Variants in SNUPN observed in about 807,000 individuals in gnomAD.
The protein encoded by SNUPN is snurportin-1.
In SNUPN, 31 loss-of-function variants were observed where a neutral mutation model predicts 39.2. The observed-to-expected ratio is 0.79, with a 90% CI of 0.59 to 1.07. SNUPN has a LOEUF of 1.07. Ranked by LOEUF, SNUPN falls within the 50% of genes least tolerant of loss-of-function variation. The pLI is 0.00. For missense variants in SNUPN, 382 were observed against 434.2 expected, an observed-to-expected ratio of 0.88 and a Z score of 1.07; for synonymous variants, 132 against 159.0, an observed-to-expected ratio of 0.83 and a Z score of 1.28.
At chr15:75,620,084 GT>G (rs1351834486) in intron 2 of SNUPN, among the ~76,000 whole-genome samples, 1 of 152,114 alleles carries the variant, frequency 6.6e-6, no homozygotes, top group Non-Finnish European at 1.5e-5. Context: ...CCATACAAAT[GT>G]ATTACCTATT....
At chr15:75,604,184 A>G (rs2075313711) in intron 7 of SNUPN, among the ~76,000 whole-genome samples, 1 of 125,380 alleles carries the variant, frequency 8.0e-6, no homozygotes, top group East Asian at 2.2e-4. Flanking sequence ...TTTTTGTGAC[A>G]GAGTCTCGCT....
At position 75,598,440 on chromosome 15, in the gene SNUPN, T is replaced by G; in HGVS notation, c.1001A>C (p.Tyr334Ser). 1 of 1,614,216 alleles carries G rather than the reference T, an allele frequency of 6.2e-7. No homozygotes were observed. Among genetic ancestry groups the G allele is most frequent in the Non-Finnish European group, 8.5e-7 (1 of 1,180,040 alleles). Residue 334 changes from tyrosine (Y) to serine (S), a missense_variant, in exon 9 of 9, where the codon TAT (tyrosine) becomes TCT (serine). Tyr to Ser is a moderately radical substitution (Grantham distance 144, BLOSUM62 -2). Transcript: ENST00000308588. ...GGGAGTAGACAGGTGCTCCAATTCATAGTGCCCATTCTCAGAGGCCTTGTG... is the reference window on the plus strand; with the variant it reads ...GGGAGTAGACAGGTGCTCCAATTCAGAGTGCCCATTCTCAGAGGCCTTGTG... ...LTHKASENGH[Y>S]ELEHLSTPKL...
intron 5 of SNUPN, among the ~76,000 whole-genome samples, chr15:75,608,913 T>C (rs888842070): frequency 6.6e-6 from 1 of 151,930 alleles, no homozygotes; most frequent in African/African-American, 2.4e-5. Context: ...CCAAGGTGGG[T>C]GGATCACTTT....
At chr15:75,620,124 G>A (rs1323089415) in intron 2 of SNUPN, among the ~76,000 whole-genome samples, 6 of 152,126 alleles carry the variant, frequency 3.9e-5, no homozygotes, top group Admixed American at 3.9e-4. Flanking sequence ...TAAAAATGGG[G>A]AGAGGAATGA....
intron 3 of SNUPN, among the ~76,000 whole-genome samples, chr15:75,615,840 C>G (rs1483284014): frequency 6.6e-6 from 1 of 151,460 alleles, no homozygotes; most frequent in Non-Finnish European, 1.5e-5. Context: ...GATCTCCTGA[C>G]CTCGTGATCC....
chr15:75,624,999 C>T, intron 1 of SNUPN: 1 of 186,480 alleles, frequency 5.4e-6, no homozygotes, highest in South Asian at 7.9e-5. Flanking sequence ...TGGTCTCAAA[C>T]TCCTGACCTC....
chr15:75,607,072 C>A, intron 6 of SNUPN, 144 bp downstream of exon 6: 1 of 677,532 alleles, frequency 1.5e-6, no homozygotes, highest in Non-Finnish European at 2.7e-6. Context: ...CTCAAAGATG[C>A]AGGGAGCATT....
intron 3 of SNUPN, among the ~76,000 whole-genome samples, chr15:75,616,548 C>A (rs1892944275): frequency 6.6e-6 from 1 of 152,132 alleles, no homozygotes; most frequent in East Asian, 1.9e-4. Flanking sequence ...ACCTTGGCCT[C>A]CCAAATTGCT....
At chr15:75,609,032 G>T (rs1177931199) in intron 5 of SNUPN, among the ~76,000 whole-genome samples, 1 of 151,592 alleles carries the variant, frequency 6.6e-6, no homozygotes, top group South Asian at 2.1e-4. Flanking sequence ...TCAGGAGGCT[G>T]AGGCAGGAGA....
chr15:75,608,477 C>T (rs569879248), intron 5 of SNUPN, among the ~76,000 whole-genome samples: 1 of 152,288 alleles, frequency 6.6e-6, no homozygotes, highest in South Asian at 2.1e-4. Context: ...CCCAGCTCTG[C>T]CAATTCCTTA....
rs939804003 is a variant in SNUPN at position 75,598,759 on chromosome 15, C to T, written c.760-78G>A. On this transcript the variant is annotated intron_variant, in intron 8 of 8. Coordinates refer to ENST00000308588, the MANE Select transcript of SNUPN (RefSeq NM_005701.4). ...CCAGGAGAGCCTATACACACAAGGG[C>T]AGCTCTTGTGGTCCGACTCCTTTTT... is the stretch of plus-strand genomic sequence containing the variant. 7.7e-6 allele frequency: 9 copies of T among 1,171,316 alleles called. No individual in the cohort carries two copies. The Admixed American group carries it at 1.4e-4, about 18-fold the overall frequency. The allele number at this position is 1,171,316 out of a possible 1,614,324, so 72.6% of individuals were successfully genotyped here. A position where few individuals can be genotyped will look rare whatever the true frequency, so the allele number is the denominator to read the frequency against.
chr15:75,617,739 C>G (rs1188314846), intron 2 of SNUPN, among the ~76,000 whole-genome samples, 187 bp from the exon 3 acceptor site: 3 of 151,948 alleles, frequency 2.0e-5, no homozygotes, highest in African/African-American at 7.3e-5. Flanking sequence ...ACACCACCAC[C>G]CCTGGCTAAT....
rs769095845 is a variant in SNUPN at position 75,601,076 on chromosome 15, G to A, written c.759+62C>T. On this transcript the variant is annotated intron_variant, in intron 8 of 8. Transcript: ENST00000308588. ...ATCAAGGAATATTTTAAGACTTTGTGTAACTAAGTCTCTCTGCAGCCTATC... is the reference window on the plus strand; with the variant it reads ...ATCAAGGAATATTTTAAGACTTTGTATAACTAAGTCTCTCTGCAGCCTATC... 20 of 1,158,150 alleles carry A rather than the reference G, an allele frequency of 1.7e-5. No homozygotes were observed. In the African/African-American group the frequency reaches 2.4e-4, roughly 14 times the overall value. The allele number at this position is 1,158,150 out of a possible 1,614,324, so 71.7% of individuals were successfully genotyped here.
chr15:75,602,363 TAAAAATAC>T (rs1223995440), intron 7 of SNUPN, among the ~76,000 whole-genome samples: 1 of 151,710 alleles, frequency 6.6e-6, no homozygotes, highest in African/African-American at 2.4e-5. Context: ...CCGTCTCTAC[TAAAAATAC>T]AAAAATTAGC....
At chr15:75,602,579 C>A (rs543857112) in intron 7 of SNUPN, among the ~76,000 whole-genome samples, 1 of 151,006 alleles carries the variant, frequency 6.6e-6, no homozygotes, top group South Asian at 2.1e-4. Context: ...GAGATTCTGA[C>A]TGAACTGGTC....
At chr15:75,603,355 G>C (rs574890277) in intron 7 of SNUPN, among the ~76,000 whole-genome samples, 2 of 148,216 alleles carry the variant, frequency 1.3e-5, no homozygotes, top group Non-Finnish European at 3.0e-5. Context: ...CCTGGCCCAG[G>C]TATTTTTTTT....
At chr15:75,621,542 G>A (rs1308903185) in intron 1 of SNUPN, among the ~76,000 whole-genome samples, 1 of 152,132 alleles carries the variant, frequency 6.6e-6, no homozygotes, top group Non-Finnish European at 1.5e-5. Flanking sequence ...CATTATAGGT[G>A]TGAGCCACTG....
intron 8 of SNUPN, chr15:75,600,554 C>T (rs532259854): frequency 8.5e-5 from 13 of 153,436 alleles, no homozygotes; most frequent in East Asian, 7.7e-4. Context: ...GGATTATAGG[C>T]GTGAGCCACC....
chr15:75,602,525 C>CA (rs530791161), intron 7 of SNUPN, among the ~76,000 whole-genome samples: 8,020 of 121,158 alleles, frequency 0.066, 617 homozygotes, highest in African/African-American at 0.19. Context: ...GACTCGGTCT[C>CA]AAAAAAAAAA....
Sources: allele counts gnomAD v4.1 joint callset (sites outside exome capture counted in the v4.1 genomes callset), GRCh38; gene constraint gnomAD v4.1.1; transcripts MANE v1.5; gene names NCBI Gene and HGNC (gene_info 2026-07-23, HGNC 2026-07-21).